TMTC1: variants seen among roughly 807,000 people sequenced by gnomAD.
TMTC1 encodes the protein transmembrane O-mannosyltransferase targeting cadherins 1.
TMTC1 carries 73 observed loss-of-function variants against 104.8 expected under a neutral mutation model. That is an observed-to-expected ratio of 0.70 (90% CI 0.58 to 0.85). The LOEUF (loss-of-function observed/expected upper bound fraction) is 0.85. TMTC1 is among the 40% of genes least tolerant of loss of function. The probability of loss-of-function intolerance (pLI) is 0.00; values close to 1 mark genes in which losing one functional copy is unlikely to be tolerated. For missense variants in TMTC1, 1,035 were observed against 1,096.1 expected, an observed-to-expected ratio of 0.94 and a Z score of 0.79; for synonymous variants, 434 against 428.7, an observed-to-expected ratio of 1.01 and a Z score of -0.15.
chr12:29,538,078 A>G (rs12810686), intron 10 of TMTC1, among the ~76,000 whole-genome samples: 3,746 of 152,324 alleles, frequency 0.025, 88 homozygotes, highest in African/African-American at 0.054. Context: ...GCAAAGTCCC[A>G]TCCTTGAGAA....
intron 17 of TMTC1, among the ~76,000 whole-genome samples, chr12:29,510,085 G>T (rs1288686057): frequency 6.6e-6 from 1 of 152,148 alleles, no homozygotes; most frequent in African/African-American, 2.4e-5. Context: ...GGCGTCATTA[G>T]GTGATTTTCC....
chr12:29,625,921 T>A (rs1055571207), intron 6 of TMTC1, among the ~76,000 whole-genome samples: 15 of 152,190 alleles, frequency 9.9e-5, no homozygotes, highest in Admixed American at 9.2e-4. Flanking sequence ...CACCAATCCA[T>A]GAGCTAAGGT....
At chr12:29,665,846 C>T (rs1940255957) in intron 5 of TMTC1, among the ~76,000 whole-genome samples, 1 of 152,198 alleles carries the variant, frequency 6.6e-6, no homozygotes, top group Non-Finnish European at 1.5e-5. Flanking sequence ...TCTCATCACC[C>T]TGGCCTATCT....
At chr12:29,593,317 C>A (rs2136361812) in intron 7 of TMTC1, among the ~76,000 whole-genome samples, 1 of 152,212 alleles carries the variant, frequency 6.6e-6, no homozygotes, top group African/African-American at 2.4e-5. Flanking sequence ...TTAAAGGTAC[C>A]AAATGCAGTG....
At chr12:29,605,227 T>G (rs1450363067) in intron 6 of TMTC1, among the ~76,000 whole-genome samples, 2 of 152,106 alleles carry the variant, frequency 1.3e-5, no homozygotes, top group African/African-American at 4.8e-5. Flanking sequence ...CTATTATTTT[T>G]AATAATTGGA....
chr12:29,584,590 C>T (rs918506282), intron 7 of TMTC1, among the ~76,000 whole-genome samples: 43 of 152,144 alleles, frequency 2.8e-4, no homozygotes, highest in Admixed American at 1.0e-3. Flanking sequence ...TAGCCCGCCC[C>T]GCTTCCCCGA....
At chr12:29,534,681 C>A (rs181545323) in intron 11 of TMTC1, 4 of 152,232 alleles carry the variant, frequency 2.6e-5, no homozygotes, top group African/African-American at 7.2e-5. Context: ...AGGCTGAATG[C>A]AAAGATACTA....
chr12:29,701,415 C>A (rs1020543194), intron 5 of TMTC1, among the ~76,000 whole-genome samples: 1 of 152,096 alleles, frequency 6.6e-6, no homozygotes, highest in Non-Finnish European at 1.5e-5. Flanking sequence ...TGGAGGGCTC[C>A]CCTGACAAGA....
intron 6 of TMTC1, among the ~76,000 whole-genome samples, chr12:29,608,074 T>C (rs1438488302): frequency 3.9e-5 from 6 of 152,246 alleles, no homozygotes. Context: ...ATACGCTTTG[T>C]CTTTCCTCAT....
intron 7 of TMTC1, among the ~76,000 whole-genome samples, chr12:29,600,739 G>A (rs1017068599): frequency 6.6e-6 from 1 of 152,172 alleles, no homozygotes; most frequent in African/African-American, 2.4e-5. Flanking sequence ...GGTCAGGAAA[G>A]CACCTCCACC....
chr12:29,520,473 GC>G, intron 12 of TMTC1, 144 bp downstream of exon 12: 1 of 677,874 alleles, frequency 1.5e-6, no homozygotes, highest in South Asian at 1.8e-5. Flanking sequence ...AGAAATGACA[GC>G]CCCGAGGTAT....
Position 29,570,862 on chromosome 12 carries a change from A to C in TMTC1, c.1532+1243T>G, listed in dbSNP as rs932558532. On this transcript the variant is annotated intron_variant, in intron 9 of 17. Transcript: ENST00000539277. ...CTCCGTCTCAAAACAAAACAAAACAAAACAAAAAAAACAGAAACACCCCCC... is the reference window on the plus strand; with the variant it reads ...CTCCGTCTCAAAACAAAACAAAACACAACAAAAAAAACAGAAACACCCCCC... Among the ~76,000 whole-genome samples, 58 of 117,564 alleles carry C rather than the reference A, an allele frequency of 4.9e-4. 2 individuals are homozygous for C. The South Asian group carries it at 0.02, about 40-fold the overall frequency. The allele number at this position is 117,564 out of a possible 152,430, so 77.1% of individuals were successfully genotyped here. A position where few individuals can be genotyped will look rare whatever the true frequency, so the allele number is the denominator to read the frequency against.
intron 7 of TMTC1, among the ~76,000 whole-genome samples, chr12:29,593,990 T>C (rs1257212954): frequency 1.3e-5 from 2 of 152,196 alleles, no homozygotes; most frequent in African/African-American, 4.8e-5. Context: ...CAAGTTGACC[T>C]TGAAGATAAT....
intron 5 of TMTC1, among the ~76,000 whole-genome samples, chr12:29,660,138 T>C (rs925257960): frequency 6.6e-6 from 1 of 152,316 alleles, no homozygotes; most frequent in Non-Finnish European, 1.5e-5. Flanking sequence ...CAACAGAACA[T>C]GCAGAAGGTA....
chr12:29,749,102 A>T (rs1943027168), intron 5 of TMTC1, among the ~76,000 whole-genome samples: 1 of 152,142 alleles, frequency 6.6e-6, no homozygotes, highest in South Asian at 2.1e-4. Context: ...AAACACTACA[A>T]ATCAGGAGTC....
intron 5 of TMTC1, among the ~76,000 whole-genome samples, chr12:29,658,211 G>A (rs1034805261): frequency 1.1e-4 from 17 of 151,824 alleles, no homozygotes; most frequent in African/African-American, 1.7e-4. Flanking sequence ...AATTTATCAC[G>A]TCTCTGCAAA....
chr12:29,623,569 C>G (rs747215430), intron 6 of TMTC1, among the ~76,000 whole-genome samples: 1 of 152,204 alleles, frequency 6.6e-6, no homozygotes, highest in Admixed American at 6.5e-5. Context: ...AATCCCAACA[C>G]TTTGGGAGGC....
At chr12:29,666,566 T>C (rs539757317) in intron 5 of TMTC1, among the ~76,000 whole-genome samples, 9 of 152,160 alleles carry the variant, frequency 5.9e-5, no homozygotes, top group African/African-American at 2.2e-4. Flanking sequence ...TTCCTTACCC[T>C]CTCGTGGTAG....
At chr12:29,576,009 C>T (rs572449097) in intron 8 of TMTC1, among the ~76,000 whole-genome samples, 15 of 152,272 alleles carry the variant, frequency 9.9e-5, no homozygotes, top group African/African-American at 2.9e-4. Flanking sequence ...ATGCTGAGCA[C>T]CTTTTCATAC....
Sources: gnomAD v4.1 joint callset for allele counts (sites outside exome capture counted in the v4.1 genomes callset) on GRCh38, gnomAD v4.1.1 for gene constraint, MANE v1.5 for transcripts, NCBI Gene and HGNC (gene_info 2026-07-23, HGNC 2026-07-21) for gene names.